Variants in TSPAN12 observed in about 807,000 individuals in gnomAD.
TSPAN12 encodes tetraspanin-12.
TSPAN12 carries 19 observed loss-of-function variants against 39.2 expected under a neutral mutation model. The ratio of observed to expected loss-of-function variants is 0.49; its 90% CI spans 0.34 to 0.71. The LOEUF is 0.71. TSPAN12 is among the 30% of genes least tolerant of loss of function. The pLI, the probability that TSPAN12 is intolerant of heterozygous loss-of-function variation, is 0.01. For synonymous variants in TSPAN12, 119 were observed against 124.8 expected, an observed-to-expected ratio of 0.95 and a Z score of 0.31; for missense variants, 314 against 359.9, an observed-to-expected ratio of 0.87 and a Z score of 1.03.
chr7:120,810,568 A>G lies in TSPAN12; in HGVS notation c.363T>C (p.Val121=), dbSNP rs749496415. The G allele has an allele frequency of 6.2e-7, 1 of 1,611,358 alleles. No homozygotes were observed. The highest frequency in any genetic ancestry group is 2.2e-5 in the East Asian group (1 of 44,814). Reference sequence around the variant, plus strand: ...TGACCATATCTGACCATTGTACTGGAACCTGGTGATAAAAAGCAAAATATC... The same window carrying G: ...TGACCATATCTGACCATTGTACTGGGACCTGGTGATAAAAAGCAAAATATC... The part of the protein sequence containing the change: ...GVWTYEQELM[V]PVQWSDMVTL... The change falls in exon 6 of 8, where the codon GTT becomes GTC. Residue 121 remains valine (V), a splice_region_variant and synonymous_variant. Transcript: ENST00000222747.
intron 4 of TSPAN12, among the ~76,000 whole-genome samples, chr7:120,828,355 A>G (rs563055266): frequency 5.3e-5 from 8 of 152,312 alleles, no homozygotes; most frequent in Admixed American, 3.9e-4. Flanking sequence ...TATGCATGAC[A>G]TTCAATTTGG....
chr7:120,838,699 T>A, intron 4 of TSPAN12, 78 bp downstream of exon 4: 1 of 1,478,670 alleles, frequency 6.8e-7, no homozygotes, highest in Non-Finnish European at 9.3e-7. Flanking sequence ...TGCTCCCTAA[T>A]CTTGTGAACT....
chr7:120,824,074 C>T (rs1794236800), intron 4 of TSPAN12, among the ~76,000 whole-genome samples: 2 of 151,938 alleles, frequency 1.3e-5, no homozygotes, highest in Non-Finnish European at 2.9e-5. Flanking sequence ...TAAATGTATC[C>T]TCAGTAATTC....
rs1456203739 is a variant in TSPAN12, at chr7:120,832,853, T to C, written c.285+5924A>G. 2.6e-5 allele frequency among the ~76,000 whole-genome samples: 4 copies of C among 152,176 alleles called. No individual in the cohort carries two copies. The East Asian group carries it at 7.7e-4, about 29-fold the overall frequency. ...ACAGTAGAAATTTTAAAGTTCATTT[T>C]ATAATAAGCATACCAAAAGACCATA... On this transcript the variant is annotated intron_variant, in intron 4 of 7. Coordinates refer to ENST00000222747, the MANE Select transcript of TSPAN12 (RefSeq NM_012338.4).
At chr7:120,793,514 G>A (rs184772907) in intron 7 of TSPAN12, among the ~76,000 whole-genome samples, 1 of 152,294 alleles carries the variant, frequency 6.6e-6, no homozygotes, top group East Asian at 1.9e-4. Context: ...AAAATATCAG[G>A]TGATCATTTC....
intron 1 of TSPAN12, chr7:120,857,161 A>C (rs1584959169): frequency 5.9e-6 from 2 of 339,434 alleles, no homozygotes; most frequent in Non-Finnish European, 1.1e-5. Context: ...AACCTCCCTC[A>C]CTCCACGCCC....
chr7:120,822,932 T>C lies in TSPAN12; in HGVS notation c.286-7129A>G, dbSNP rs530298692. ...GACTCAAATCAAACCAAATTAGCAG[T>C]GGACTTCTAAAGGACAGCAAACGAG... On this transcript the variant is annotated intron_variant, in intron 4 of 7. Transcript: ENST00000222747. Among the ~76,000 whole-genome samples, 224 of 152,246 alleles carry C rather than the reference T, an allele frequency of 1.5e-3. 4 individuals are homozygous for C. The highest frequency in any genetic ancestry group is 0.013 in the Admixed American group (192 of 15,282).
intron 7 of TSPAN12, among the ~76,000 whole-genome samples, chr7:120,793,717 G>A (rs368168074): frequency 3.3e-5 from 5 of 152,230 alleles, no homozygotes; most frequent in East Asian, 1.9e-4. Flanking sequence ...ATGTCCATCC[G>A]TCAAACCAGG....
chr7:120,829,773 G>A (rs750642395), intron 4 of TSPAN12, among the ~76,000 whole-genome samples: 6 of 152,124 alleles, frequency 3.9e-5, no homozygotes, highest in Non-Finnish European at 7.4e-5. Context: ...AATGGATATG[G>A]AAATATTTGG....
At position 120,838,847 on chromosome 7, in the gene TSPAN12, C is replaced by G; in HGVS notation, c.215G>C (p.Cys72Ser). 6.2e-7 allele frequency: 1 copy of G among 1,613,956 alleles called. No homozygotes were observed. Among genetic ancestry groups the G allele is most frequent in the Non-Finnish European group, 8.5e-7 (1 of 1,179,908 alleles). Reference protein sequence around the residue: ...VVHPVMIAVCCFLIIVGMLGY... With the variant: ...VVHPVMIAVCSFLIIVGMLGY... The stretch of plus-strand genomic sequence containing the variant: ...TAACATCCCCACAATGATAAGGAAA[C>G]AGCAAACAGCAATCATGACCGGATG... The change falls in exon 4 of 8, where the codon TGT (cysteine) becomes TCT (serine). Residue 72 changes from cysteine (C) to serine (S), a missense_variant. By Grantham distance (112) the Cys-to-Ser change is moderately radical. Coordinates refer to ENST00000222747, the MANE Select transcript of TSPAN12 (RefSeq NM_012338.4).
At chr7:120,807,995 T>C (rs1447635447) in intron 6 of TSPAN12, among the ~76,000 whole-genome samples, 8 of 152,238 alleles carry the variant, frequency 5.3e-5, no homozygotes, top group Middle Eastern at 3.4e-3. Flanking sequence ...TTAAATAATA[T>C]ATGTAGTATA....
At chr7:120,806,717 C>T (rs1793882006) in intron 6 of TSPAN12, 25 bp from the exon 7 acceptor site, 3 of 1,612,772 alleles carry the variant, frequency 1.9e-6, no homozygotes, top group Non-Finnish European at 2.5e-6. Flanking sequence ...ACTAGTCAGC[C>T]TCAGAAACCA....
chr7:120,852,110 C>A (rs1221318186), intron 2 of TSPAN12, among the ~76,000 whole-genome samples: 1 of 151,784 alleles, frequency 6.6e-6, no homozygotes, highest in Non-Finnish European at 1.5e-5. Context: ...AAAAAAAAAA[C>A]TCTCAGTTTG....
intron 7 of TSPAN12, among the ~76,000 whole-genome samples, chr7:120,797,909 A>T (rs530023011): frequency 2.6e-5 from 4 of 152,156 alleles, no homozygotes; most frequent in Non-Finnish European, 5.9e-5. Context: ...CTTCAGCTTA[A>T]TTTCCCCACC....
intron 4 of TSPAN12, among the ~76,000 whole-genome samples, chr7:120,816,325 A>C (rs1794081623): frequency 6.6e-6 from 1 of 151,644 alleles, no homozygotes; most frequent in African/African-American, 2.4e-5. Flanking sequence ...CACTTGGGAT[A>C]TATAAAAGAA....
chr7:120,811,564 G>A (rs1045098876), intron 5 of TSPAN12, among the ~76,000 whole-genome samples: 5 of 151,592 alleles, frequency 3.3e-5, no homozygotes, highest in African/African-American at 1.2e-4. Context: ...CAGCTACTTG[G>A]GAGGCTGAGG....
At chr7:120,796,216 G>A (rs1172304211) in intron 7 of TSPAN12, among the ~76,000 whole-genome samples, 1 of 152,134 alleles carries the variant, frequency 6.6e-6, no homozygotes, top group African/African-American at 2.4e-5. Context: ...GCCCATTTGG[G>A]CACCTTAAAT....
chr7:120,799,534 TTATATA>T (rs1225222701), intron 7 of TSPAN12, among the ~76,000 whole-genome samples: 2 of 111,752 alleles, frequency 1.8e-5, no homozygotes, highest in African/African-American at 7.0e-5. Context: ...TTATATATAA[TTATATA>T]TAATTATATA....
At position 120,788,632 on chromosome 7, in the gene TSPAN12, G is replaced by A. The variant is rs138647595; in HGVS notation, c.878C>T (p.Ala293Val). 34 of 1,613,972 alleles carry A rather than the reference G, an allele frequency of 2.1e-5. No homozygotes were observed. The highest frequency in any genetic ancestry group is 2.9e-5 in the Non-Finnish European group (34 of 1,180,006). Residue 293 changes from alanine (A) to valine (V), a missense_variant, in exon 8 of 8, where the codon GCA becomes GTA. Coordinates refer to ENST00000222747, the MANE Select transcript of TSPAN12 (RefSeq NM_012338.4). ...LSRIFEHTSMANSFNTHFEME... is the reference protein window; with the variant it reads ...LSRIFEHTSMVNSFNTHFEME... ...CTCAAAGTGTGTATTAAAGCTGTTT[G>A]CCATGGATGTGTGTTCAAAGATTCT... is the stretch of plus-strand genomic sequence containing the variant.
Sources: allele counts gnomAD v4.1 joint callset (sites outside exome capture counted in the v4.1 genomes callset), GRCh38; gene constraint gnomAD v4.1.1; transcripts MANE v1.5; gene names NCBI Gene and HGNC (gene_info 2026-07-23, HGNC 2026-07-21).